DAP3: variants seen among roughly 807,000 people sequenced by gnomAD.
DAP3 encodes the protein death associated protein 3.
DAP3 carries 28 observed loss-of-function variants against 51.9 expected under a neutral mutation model. That is an observed-to-expected ratio of 0.54 (90% CI 0.40 to 0.74). The LOEUF (loss-of-function observed/expected upper bound fraction) is 0.74, where lower values mean the gene tolerates loss of function less well. Ranked by LOEUF, DAP3 falls within the 30% of genes least tolerant of loss-of-function variation. The probability of loss-of-function intolerance (pLI) is 0.00; values close to 1 mark genes in which losing one functional copy is unlikely to be tolerated. For missense variants in DAP3, 458 were observed against 483.5 expected (o/e 0.95, Z 0.49); for synonymous variants, 170 against 170.3 (o/e 1.00, Z 0.01).
chr1:155,734,453 T>C (rs1335830743), intron 11 of DAP3, among the ~76,000 whole-genome samples: 1 of 152,112 alleles, frequency 6.6e-6, no homozygotes, highest in Non-Finnish European at 1.5e-5. Flanking sequence ...CTGGGATTAC[T>C]GGCGTGAGCC....
At chr1:155,712,495 C>T (rs1409961033) in intron 2 of DAP3, among the ~76,000 whole-genome samples, 2 of 151,780 alleles carry the variant, frequency 1.3e-5, no homozygotes, top group Non-Finnish European at 1.5e-5. Flanking sequence ...GCCTGTAATC[C>T]CAGCTACTCG....
intron 9 of DAP3, 91 bp from the exon 10 acceptor site, chr1:155,731,264 CA>C (rs111619259): frequency 0.16 from 168,296 of 1,045,314 alleles, 33 homozygotes; most frequent in South Asian, 0.22. Context: ...GAGACTCTGT[CA>C]AAAAAAAAAA....
intron 1 of DAP3, among the ~76,000 whole-genome samples, chr1:155,703,770 C>T (rs1655616160): frequency 6.6e-6 from 1 of 152,194 alleles, no homozygotes; most frequent in Non-Finnish European, 1.5e-5. Context: ...ATCTTCTGAC[C>T]TCGTGATCCA....
intron 3 of DAP3, 84 bp from the exon 4 acceptor site, chr1:155,721,431 CAT>C: frequency 1.1e-6 from 1 of 898,098 alleles, no homozygotes; most frequent in East Asian, 2.6e-5. Context: ...CATAGACATA[CAT>C]ATATACACAC....
At chr1:155,734,714 G>T (rs1045521845) in intron 11 of DAP3, among the ~76,000 whole-genome samples, 1 of 151,376 alleles carries the variant, frequency 6.6e-6, no homozygotes, top group Non-Finnish European at 1.5e-5. Flanking sequence ...ATACATACAT[G>T]TATGTATGTA....
intron 7 of DAP3, among the ~76,000 whole-genome samples, chr1:155,728,237 A>C (rs372780): frequency 0.027 from 4,165 of 152,092 alleles, 193 homozygotes; most frequent in African/African-American, 0.092. Flanking sequence ...ATGTATGTTT[A>C]TTCAAGGCTC....
At chr1:155,706,509 C>A (rs533307366) in intron 1 of DAP3, among the ~76,000 whole-genome samples, 1 of 152,132 alleles carries the variant, frequency 6.6e-6, no homozygotes, top group Admixed American at 6.6e-5. Context: ...CGGTGGCTCA[C>A]GCCTGTAATC....
upstream of DAP3, chr1:155,688,774 C>T: frequency 6.5e-7 from 1 of 1,535,176 alleles, no homozygotes; most frequent in South Asian, 1.2e-5. Context: ...CCCCACCCTA[C>T]ACTCCTCGCG....
chr1:155,729,453 A>G, intron 9 of DAP3, 87 bp downstream of exon 9: 1 of 1,498,556 alleles, frequency 6.7e-7, no homozygotes, highest in Non-Finnish European at 9.0e-7. Context: ...TAGACCATGC[A>G]ATATGTTTTC....
In DAP3 at chr1:155,714,671, A is replaced by G. The variant is rs575112720; in HGVS notation, c.46-2335A>G. Reference sequence around the variant, plus strand: ...TCCCAGCTACTGAGGCAGGAGAACCACTTGAACCTGGGGGCAGAGGTTGTA... The same window carrying G: ...TCCCAGCTACTGAGGCAGGAGAACCGCTTGAACCTGGGGGCAGAGGTTGTA... On this transcript the variant is annotated intron_variant, in intron 2 of 12. Transcript: ENST00000368336. Among the ~76,000 whole-genome samples, 11 of 152,128 alleles carry G rather than the reference A, an allele frequency of 7.2e-5. 1 individual carries two copies. Among genetic ancestry groups the G allele is most frequent in the Non-Finnish European group, 1.5e-4 (10 of 67,980 alleles).
chr1:155,708,360 T>C (rs925064438), intron 1 of DAP3, among the ~76,000 whole-genome samples: 1 of 152,176 alleles, frequency 6.6e-6, no homozygotes, highest in Non-Finnish European at 1.5e-5. Context: ...TTTTTGTTTG[T>C]ACATTTTCAA....
At chr1:155,728,162 C>T (rs994368893) in intron 7 of DAP3, among the ~76,000 whole-genome samples, 1 of 152,108 alleles carries the variant, frequency 6.6e-6, no homozygotes, top group African/African-American at 2.4e-5. Context: ...AGCAGAGTCA[C>T]CTAAGAGCTT....
intron 2 of DAP3, among the ~76,000 whole-genome samples, chr1:155,712,612 CAAAAAAAAAAAA>C (rs61338392): frequency 1.8e-5 from 1 of 55,520 alleles, no homozygotes; most frequent in South Asian, 7.5e-4. Flanking sequence ...AACTCCGTCT[CAAAAAAAAAAAA>C]AAAAAAAAAA....
chr1:155,725,796 G>A (rs545948218), intron 5 of DAP3, 131 bp from the exon 6 acceptor site: 75 of 760,886 alleles, frequency 9.9e-5, no homozygotes, highest in Non-Finnish European at 1.4e-4. Context: ...CCCGGGAAGC[G>A]GAGGTTGCTG....
chr1:155,718,747 GATAT>G (rs1233384322), intron 3 of DAP3, among the ~76,000 whole-genome samples: 1 of 142,246 alleles, frequency 7.0e-6, no homozygotes, highest in East Asian at 2.0e-4. Flanking sequence ...TAGATAGATA[GATAT>G]AGATATAGAT....
At chr1:155,725,610 C>T (rs2149184333) in intron 5 of DAP3, 120 bp downstream of exon 5, 2 of 967,488 alleles carry the variant, frequency 2.1e-6, no homozygotes, top group South Asian at 3.0e-5. Context: ...CACCTATAAT[C>T]CCAGGAGTTT....
rs372551939 is a variant in DAP3, at chr1:155,705,141, C to T, written c.-7-4632C>T. On this transcript the variant is annotated intron_variant, in intron 1 of 12. Coordinates refer to ENST00000368336, the MANE Select transcript of DAP3 (RefSeq NM_004632.4). ...ACTCTGTCTCTACAAAATAAAAAAG[C>T]CAGGCACAGTGGCACGTGCCTGTAA... Among the ~76,000 whole-genome samples, 3 of 149,304 alleles carry T rather than the reference C, an allele frequency of 2.0e-5. No individual in the cohort carries two copies. In the South Asian group the frequency reaches 6.3e-4, roughly 32 times the overall value.
At chr1:155,701,121 G>A (rs1371284997) in intron 1 of DAP3, among the ~76,000 whole-genome samples, 2 of 126,704 alleles carry the variant, frequency 1.6e-5, no homozygotes, top group Admixed American at 7.2e-5. Flanking sequence ...CTGCCCGGCC[G>A]CCCCTACTGG....
At chr1:155,695,237 G>A (rs1654362128) in intron 1 of DAP3, among the ~76,000 whole-genome samples, 1 of 152,214 alleles carries the variant, frequency 6.6e-6, no homozygotes, top group African/African-American at 2.4e-5. Flanking sequence ...ATGAGAATAT[G>A]TATCTATGGT....
Sources: gnomAD v4.1 joint callset for allele counts (sites outside exome capture counted in the v4.1 genomes callset) on GRCh38, gnomAD v4.1.1 for gene constraint, MANE v1.5 for transcripts, NCBI Gene and HGNC (gene_info 2026-07-23, HGNC 2026-07-21) for gene names.